The following MYO3B variants were observed in gnomAD, a reference collection of about 807,000 sequenced individuals.
The protein encoded by MYO3B is myosin IIIB, also known as myosin-IIIb.
Under a neutral mutation model 174.6 loss-of-function variants are expected in MYO3B, and 156 were observed. The ratio of observed to expected loss-of-function variants is 0.89; its 90% confidence interval spans 0.78 to 1.02. MYO3B has a LOEUF of 1.02. Among genes scored for constraint, MYO3B ranks in the 50% least tolerant of loss-of-function variants. MYO3B has a pLI of 0.00. For missense variants in MYO3B, 1,632 were observed against 1,639.4 expected (o/e 1.00, Z 0.08); for synonymous variants, 563 against 569.1 (o/e 0.99, Z 0.15).
At chr2:170,394,081 A>G (rs1011633774) in intron 16 of MYO3B, among the ~76,000 whole-genome samples, 2 of 152,210 alleles carry the variant, frequency 1.3e-5, no homozygotes, top group Admixed American at 6.5e-5. Context: ...GTCAAGGTTA[A>G]TAATCATTAA....
chr2:170,276,483 T>G (rs2093464607), intron 7 of MYO3B, among the ~76,000 whole-genome samples: 1 of 152,214 alleles, frequency 6.6e-6, no homozygotes, highest in African/African-American at 2.4e-5. Flanking sequence ...GTATTTTATA[T>G]AGCATACAAA....
At chr2:170,358,639 A>T (rs988818806) in intron 8 of MYO3B, among the ~76,000 whole-genome samples, 1 of 152,182 alleles carries the variant, frequency 6.6e-6, no homozygotes, top group Non-Finnish European at 1.5e-5. Flanking sequence ...TCAGTTGAAA[A>T]TTTTATTGAG....
chr2:170,447,436 T>C (rs1261647133), intron 23 of MYO3B, among the ~76,000 whole-genome samples: 1 of 152,096 alleles, frequency 6.6e-6, no homozygotes, highest in Non-Finnish European at 1.5e-5. Context: ...AGCATGCAAA[T>C]AGGGAGCGCT....
At chr2:170,467,815 C>CA (rs33945733) in intron 25 of MYO3B, among the ~76,000 whole-genome samples, 2,768 of 110,328 alleles carry the variant, frequency 0.025, 80 homozygotes, top group East Asian at 0.12. Flanking sequence ...AAAGATAAGG[C>CA]AAAAAAAAAA....
chr2:170,208,549 T>C (rs537898582), intron 3 of MYO3B, among the ~76,000 whole-genome samples: 1 of 152,340 alleles, frequency 6.6e-6, no homozygotes, highest in African/African-American at 2.4e-5. Context: ...GGTTTTTACA[T>C]CACCTATCCC....
At position 170,466,607 on chromosome 2, in the gene MYO3B, A is replaced by C. The variant is rs577634545; in HGVS notation, c.2910A>C (p.Arg970=). ...ACCGAGAGGCCCTGCAGTTCTCTCGAGAGAGGGTGCTGGCCCAGCTCCGCT... is the reference window on the plus strand; with the variant it reads ...ACCGAGAGGCCCTGCAGTTCTCTCGCGAGAGGGTGCTGGCCCAGCTCCGCT... ...NDDREALQFS[R]ERVLAQLRST... Residue 970 remains arginine (R), a synonymous_variant, in exon 25 of 35, where the codon CGA becomes CGC. Coordinates refer to ENST00000408978, the MANE Select transcript of MYO3B (RefSeq NM_138995.5). The C allele has an allele frequency of 3.2e-4, 512 of 1,614,214 alleles. 5 individuals are homozygous for C. The South Asian group carries it at 5.0e-3, about 16-fold the overall frequency.
chr2:170,436,827 C>T (rs1289155298), intron 22 of MYO3B, among the ~76,000 whole-genome samples: 1 of 152,132 alleles, frequency 6.6e-6, no homozygotes, highest in East Asian at 1.9e-4. Flanking sequence ...GTTGCCCTAT[C>T]ATTTTTTCTC....
At chr2:170,473,799 G>T (rs1443722397) in intron 25 of MYO3B, among the ~76,000 whole-genome samples, 1 of 152,000 alleles carries the variant, frequency 6.6e-6, no homozygotes, top group Non-Finnish European at 1.5e-5. Flanking sequence ...ATAGGACAAG[G>T]AAGACTCTCT....
At chr2:170,557,490 C>T (rs1691413606) in intron 32 of MYO3B, among the ~76,000 whole-genome samples, 1 of 152,092 alleles carries the variant, frequency 6.6e-6, no homozygotes, top group South Asian at 2.1e-4. Context: ...AGCAAGAGAT[C>T]AGTTTGTTGG....
At chr2:170,380,124 T>C (rs2094324420) in intron 9 of MYO3B, among the ~76,000 whole-genome samples, 1 of 152,222 alleles carries the variant, frequency 6.6e-6, no homozygotes, top group Admixed American at 6.5e-5. Context: ...CTAGATAGAA[T>C]TGTATTGGTG....
In MYO3B at chr2:170,400,550, G is replaced by A. The variant is rs181756247; in HGVS notation, c.1918+236G>A. ...CTCCAGAGTAGCTTGGATTACAGGCGCCTGCCACCACGCCTGGCTAATTTT... is the reference window on the plus strand; with the variant it reads ...CTCCAGAGTAGCTTGGATTACAGGCACCTGCCACCACGCCTGGCTAATTTT... On this transcript the variant is annotated intron_variant, in intron 17 of 34. Coordinates refer to ENST00000408978, the MANE Select transcript of MYO3B (RefSeq NM_138995.5). 5.6e-3 allele frequency among the ~76,000 whole-genome samples: 848 copies of A among 151,844 alleles called. 10 individuals are homozygous for A. The highest frequency in any genetic ancestry group is 0.019 in the African/African-American group (788 of 41,390).
chr2:170,410,811 T>G (rs186758233), intron 22 of MYO3B, among the ~76,000 whole-genome samples: 2 of 152,264 alleles, frequency 1.3e-5, no homozygotes, highest in African/African-American at 4.8e-5. Flanking sequence ...TTTGCATACT[T>G]TTTTGTGTGT....
chr2:170,491,474 G>A (rs561015352), intron 25 of MYO3B, among the ~76,000 whole-genome samples: 148 of 152,148 alleles, frequency 9.7e-4, no homozygotes, highest in African/African-American at 3.3e-3. Flanking sequence ...TCGACAGGCT[G>A]GAGTGCAGTG....
chr2:170,389,669 G>A (rs1273487151), intron 14 of MYO3B, among the ~76,000 whole-genome samples: 3 of 152,152 alleles, frequency 2.0e-5, no homozygotes, highest in Non-Finnish European at 4.4e-5. Context: ...GCCTGCACAT[G>A]TAACAGAGGT....
At chr2:170,507,670 G>A (rs1004401888) in intron 28 of MYO3B, among the ~76,000 whole-genome samples, 6 of 152,174 alleles carry the variant, frequency 3.9e-5, no homozygotes, top group African/African-American at 1.4e-4. Context: ...TGGGATTACA[G>A]GCGTGAGCTA....
intron 32 of MYO3B, among the ~76,000 whole-genome samples, chr2:170,637,919 T>G (rs1042237571): frequency 2.6e-5 from 4 of 152,220 alleles, no homozygotes; most frequent in African/African-American, 9.6e-5. Context: ...ACTATTTTCT[T>G]GGCTTTTTTG....
chr2:170,649,329 ATATATAT>A (rs1473812504), intron 32 of MYO3B, among the ~76,000 whole-genome samples: 1,165 of 91,120 alleles, frequency 0.013, 79 homozygotes, highest in Admixed American at 0.018. Context: ...AAATAATATA[ATATATAT>A]TATATATAAA....
At chr2:170,294,954 G>A (rs2093620011) in intron 7 of MYO3B, among the ~76,000 whole-genome samples, 1 of 90,110 alleles carries the variant, frequency 1.1e-5, no homozygotes, top group African/African-American at 3.8e-5. Context: ...AAAAAATAAA[G>A]TGTATTAAAC....
intron 8 of MYO3B, among the ~76,000 whole-genome samples, chr2:170,337,109 C>T (rs555614955): frequency 3.8e-4 from 58 of 151,982 alleles, no homozygotes; most frequent in African/African-American, 1.3e-3. Context: ...AGAGGAAAAA[C>T]AGATACTTGT....
Sources: allele counts gnomAD v4.1 joint callset (sites outside exome capture counted in the v4.1 genomes callset), GRCh38; gene constraint gnomAD v4.1.1; transcripts MANE v1.5; gene names NCBI Gene and HGNC (gene_info 2026-07-23, HGNC 2026-07-21).